C8orf74: variants seen among roughly 807,000 people sequenced by gnomAD.
C8orf74 encodes chromosome 8 open reading frame 74.
A neutral mutation model predicts 22.2 loss-of-function variants in C8orf74; 29 were observed. That is an observed-to-expected ratio of 1.31 (90% CI 0.97 to 1.78). The LOEUF is 1.78. Ranked by LOEUF, C8orf74 falls within the 40% of genes most tolerant of loss-of-function variation. The pLI, the probability that C8orf74 is intolerant of heterozygous loss-of-function variation, is 0.00. For synonymous variants in C8orf74, 255 were observed against 163.1 expected (o/e 1.56, Z -4.30); for missense variants, 515 against 369.9 (o/e 1.39, Z -3.22).
chr8:10,681,087 G>T (rs1000331365), intron 2 of C8orf74, among the ~76,000 whole-genome samples: 2 of 151,726 alleles, frequency 1.3e-5, no homozygotes, highest in African/African-American at 4.9e-5. Flanking sequence ...GGAGGGTCAT[G>T]TTTGCACAGC....
At chr8:10,686,615 G>C (rs537443328) in intron 2 of C8orf74, 1 of 154,888 alleles carries the variant, frequency 6.5e-6, no homozygotes, top group African/African-American at 2.4e-5. Context: ...TCTAGTCTTA[G>C]AAGCTAAGCA....
At chr8:10,698,036 C>T (rs1368360181) in intron 3 of C8orf74, 31 bp downstream of exon 3, 1 of 1,443,712 alleles carries the variant, frequency 6.9e-7, no homozygotes, top group Non-Finnish European at 9.1e-7. Flanking sequence ...CGTGGGTGGG[C>T]ACCTGGGCCT....
Position 10,688,085 on chromosome 8 carries a change from G to C in C8orf74, c.242-9514G>C, listed in dbSNP as rs183380211. Among the ~76,000 whole-genome samples the C allele has an allele frequency of 2.2e-4, 34 of 151,894 alleles. No individual in the cohort carries two copies. The East Asian group carries it at 5.6e-3, about 25-fold the overall frequency. ...CCAGGCGTGGTAGTGTACACCTGTA[G>C]TTCCACCTACTTGGGAGGCTGAGGC... On this transcript the variant is annotated intron_variant, in intron 2 of 3. Transcript: ENST00000304519.
At position 10,700,415 on chromosome 8, in the gene C8orf74, G is replaced by A. The variant is rs1799631819; in HGVS notation, c.829G>A (p.Glu277Lys). 1 of 1,610,742 alleles carries A rather than the reference G, an allele frequency of 6.2e-7. No homozygotes were observed. Among genetic ancestry groups the A allele is most frequent in the Non-Finnish European group, 8.5e-7 (1 of 1,178,118 alleles). ...CATCACCAGCCACGCAGGCCAGGAG[G>A]AAGCCCTGAAGCCCCAAAGAGCGAG... ...PPITSHAGQE[E>K]ALKPQRASKG... is the part of the protein sequence containing the mutation. Residue 277 changes from glutamate (E) to lysine (K), a missense_variant, in exon 4 of 4, where the codon GAA becomes AAA. By Grantham distance (56) the Glu-to-Lys change is moderately conservative. Coordinates refer to ENST00000304519, the MANE Select transcript of C8orf74 (RefSeq NM_001040032.2).
chr8:10,682,774 G>A (rs1799178899), intron 2 of C8orf74, among the ~76,000 whole-genome samples: 1 of 152,214 alleles, frequency 6.6e-6, no homozygotes, highest in Non-Finnish European at 1.5e-5. Context: ...ACAGTAAGTA[G>A]GTCAGAAATC....
rs369659446 is a variant in C8orf74 at position 10,677,813 on chromosome 8, T to G, written c.241+2975T>G. 5.2e-4 allele frequency among the ~76,000 whole-genome samples: 79 copies of G among 152,316 alleles called. 3 individuals carry two copies. The South Asian group carries it at 0.016, about 30-fold the overall frequency. ...TTATATAGCCGATGGGTGCACTGGC[T>G]TTATCAGCATCAGGTACACAGATTG... is the stretch of plus-strand genomic sequence containing the variant. On this transcript the variant is annotated intron_variant, in intron 2 of 3. Transcript: ENST00000304519.
intron 2 of C8orf74, among the ~76,000 whole-genome samples, chr8:10,690,174 C>T (rs1799345197): frequency 6.6e-6 from 1 of 152,114 alleles, no homozygotes; most frequent in South Asian, 2.1e-4. Flanking sequence ...ACCTGAGGGG[C>T]CCTGAGCAAA....
chr8:10,682,376 G>A (rs1204725137), intron 2 of C8orf74, among the ~76,000 whole-genome samples: 1 of 152,198 alleles, frequency 6.6e-6, no homozygotes, highest in African/African-American at 2.4e-5. Flanking sequence ...TGGACTGTGT[G>A]GGTTCAACAA....
chr8:10,690,541 G>A (rs73666408), intron 2 of C8orf74, among the ~76,000 whole-genome samples: 2,971 of 152,268 alleles, frequency 0.02, 93 homozygotes, highest in African/African-American at 0.069. Flanking sequence ...GCAGTGCCAC[G>A]CTGTAGCCTG....
chr8:10,674,595 G>T (rs1322282085), intron 1 of C8orf74, 51 bp from the exon 2 acceptor site: 4 of 1,338,254 alleles, frequency 3.0e-6, no homozygotes, highest in African/African-American at 3.4e-5. Flanking sequence ...CCTATATCAT[G>T]CCCTGCAACC....
chr8:10,679,444 C>T (rs1282665297), intron 2 of C8orf74, among the ~76,000 whole-genome samples: 1 of 152,198 alleles, frequency 6.6e-6, no homozygotes, highest in Non-Finnish European at 1.5e-5. Context: ...CAGTTCTGCC[C>T]AACCCCAGCC....
intron 2 of C8orf74, among the ~76,000 whole-genome samples, chr8:10,693,987 G>T (rs111901124): frequency 0.01 from 1,572 of 152,280 alleles, 34 homozygotes; most frequent in African/African-American, 0.036. Flanking sequence ...ACCCAGGCCA[G>T]GCTGCTGCCT....
At chr8:10,687,998 G>T (rs886642205) in intron 2 of C8orf74, among the ~76,000 whole-genome samples, 3 of 152,066 alleles carry the variant, frequency 2.0e-5, no homozygotes, top group African/African-American at 4.8e-5. Context: ...CTGAGGTGAG[G>T]AATTCAAGAC....
At chr8:10,700,208 C>A in intron 3 of C8orf74, 27 bp from the exon 4 acceptor site, 1 of 1,500,570 alleles carries the variant, frequency 6.7e-7, no homozygotes, top group Non-Finnish European at 9.1e-7. Context: ...CCCAGCCCTG[C>A]TCATCGGCCT....
rs1400189183 is a variant in C8orf74, at chr8:10,672,768, T to C, written c.48+55T>C. On this transcript the variant is annotated intron_variant, in intron 1 of 3. Coordinates refer to ENST00000304519, the MANE Select transcript of C8orf74 (RefSeq NM_001040032.2). ...CAGAAACTGGCTCATCCTGGGCACA[T>C]AGGGAGGTGGGCACTGGAAGCGCCT... is the stretch of plus-strand genomic sequence containing the variant. 3.3e-6 allele frequency: 5 copies of C among 1,494,748 alleles called. No individual in the cohort carries two copies. In the South Asian group the frequency reaches 3.6e-5, roughly 11 times the overall value. 92.6% of individuals were successfully genotyped at this position (1,494,748 alleles called of 1,614,324 possible).
At chr8:10,677,961 C>A (rs1277094612) in intron 2 of C8orf74, among the ~76,000 whole-genome samples, 2 of 152,240 alleles carry the variant, frequency 1.3e-5, no homozygotes, top group South Asian at 2.1e-4. Flanking sequence ...CTCGTTCAGA[C>A]TGGCCTTCCT....
At chr8:10,691,154 C>T (rs1799372475) in intron 2 of C8orf74, 3 of 347,278 alleles carry the variant, frequency 8.6e-6, no homozygotes, top group Admixed American at 3.7e-5. Context: ...GTCTGGGGGC[C>T]GAAAGTTAGA....
At chr8:10,691,191 T>TAATGATACGGC in intron 2 of C8orf74, 2 of 342,876 alleles carry the variant, frequency 5.8e-6, no homozygotes, top group Non-Finnish European at 1.2e-5. Context: ...CCTTCCCTGT[T>TAATGATACGGC]GACCCAGGAC....
intron 2 of C8orf74, among the ~76,000 whole-genome samples, chr8:10,684,809 G>A (rs548106086): frequency 6.6e-6 from 1 of 152,210 alleles, no homozygotes; most frequent in Non-Finnish European, 1.5e-5. Flanking sequence ...GCACTTGGTG[G>A]CTTCTGTTTG....
Sources: gnomAD v4.1 joint callset for allele counts (sites outside exome capture counted in the v4.1 genomes callset) on GRCh38, gnomAD v4.1.1 for gene constraint, MANE v1.5 for transcripts, NCBI Gene and HGNC (gene_info 2026-07-23, HGNC 2026-07-21) for gene names.